GBF1: variants seen among roughly 807,000 people sequenced by gnomAD.
The protein encoded by GBF1 is golgi brefeldin A resistant guanine nucleotide exchange factor 1.
A neutral mutation model predicts 210.5 loss-of-function variants in GBF1; 114 were observed. The ratio of observed to expected loss-of-function variants is 0.54; its 90% confidence interval spans 0.47 to 0.63. The LOEUF (loss-of-function observed/expected upper bound fraction) is 0.63, where lower values mean the gene tolerates loss of function less well. Ranked by LOEUF, GBF1 falls within the 30% of genes least tolerant of loss-of-function variation. GBF1 has a pLI of 0.00. For missense variants in GBF1, 1,851 were observed against 2,357.7 expected, an observed-to-expected ratio of 0.79 and a Z score of 4.45; for synonymous variants, 850 against 889.2, an observed-to-expected ratio of 0.96 and a Z score of 0.78.
intron 38 of GBF1, 100 bp downstream of exon 38, chr10:102,380,786 TCACCCGA>T (rs2060797093): frequency 1.0e-6 from 1 of 995,738 alleles, no homozygotes; most frequent in South Asian, 1.6e-5. Context: ...GGTGGGTGGA[TCACCCGA>T]GGGCAGGAAT....
At position 102,292,313 on chromosome 10, in the gene GBF1, A is replaced by AT. The variant is rs572760117; in HGVS notation, c.163+32198dup. ...ACAGAAAAGAAAAAAAAATTTAATG[A>AT]TAAAAAAAATAAGAAAATTGGACCA... is the stretch of plus-strand genomic sequence containing the variant. On this transcript the variant is annotated intron_variant, in intron 3 of 39. Transcript: ENST00000369983. 9.7e-4 allele frequency among the ~76,000 whole-genome samples: 148 copies of AT among 152,224 alleles called. 1 individual carries two copies. The South Asian group carries it at 0.014, about 14-fold the overall frequency.
At chr10:102,231,636 C>T in the GBF1 span, 12 of 1,611,982 alleles carry the variant, frequency 7.4e-6, no homozygotes, top group African/African-American at 1.3e-4. Context: ...TCTCCTCGCG[C>T]GTGCTCATGT....
intron 7 of GBF1, 94 bp downstream of exon 7, chr10:102,352,612 C>T: frequency 1.2e-6 from 1 of 816,214 alleles, no homozygotes; most frequent in Non-Finnish European, 2.2e-6. Context: ...GCCAACCCCA[C>T]AGCCGCATCA....
chr10:102,316,083 A>G (rs1170070325), intron 3 of GBF1, among the ~76,000 whole-genome samples: 1 of 126,530 alleles, frequency 7.9e-6, no homozygotes. Context: ...CCTTCCCTCC[A>G]CTTTTTTTTT....
At chr10:102,364,217 C>CTTTTTT (rs1031275118) in intron 17 of GBF1, among the ~76,000 whole-genome samples, 14 of 66,944 alleles carry the variant, frequency 2.1e-4, no homozygotes, top group Non-Finnish European at 3.1e-4. Context: ...CTTTGGATTT[C>CTTTTTT]TTTTTTTTTT....
chr10:102,374,499 C>T (rs1033297271), intron 29 of GBF1, among the ~76,000 whole-genome samples: 2 of 151,878 alleles, frequency 1.3e-5, no homozygotes, highest in African/African-American at 4.8e-5. Flanking sequence ...ACAGGAGGAT[C>T]ACTTGCGCCC....
chr10:102,232,005 G>A, the GBF1 span: 1 of 1,610,346 alleles, frequency 6.2e-7, no homozygotes, highest in African/African-American at 1.3e-5. Flanking sequence ...GGGAGCTGGG[G>A]GTGCGGAGTG....
chr10:102,239,070 C>T, the GBF1 span, among the ~76,000 whole-genome samples: 1 of 152,168 alleles, frequency 6.6e-6, no homozygotes, highest in Non-Finnish European at 1.5e-5. Context: ...ATATCTAGGT[C>T]TTTTATTATG....
chr10:102,237,897 C>G, the GBF1 span, among the ~76,000 whole-genome samples: 1 of 151,934 alleles, frequency 6.6e-6, no homozygotes, highest in South Asian at 2.1e-4. Context: ...GCCCACCCCA[C>G]TATGAGAAGC....
intron 3 of GBF1, among the ~76,000 whole-genome samples, chr10:102,309,588 A>G (rs1208425172): frequency 6.6e-6 from 1 of 152,152 alleles, no homozygotes; most frequent in Non-Finnish European, 1.5e-5. Flanking sequence ...TAAGTGAGAT[A>G]TTGCTTGTTC....
intron 3 of GBF1, among the ~76,000 whole-genome samples, chr10:102,284,374 C>T (rs368180831): frequency 8.5e-5 from 13 of 152,218 alleles, no homozygotes; most frequent in African/African-American, 2.9e-4. Flanking sequence ...ACATTTTCAT[C>T]GCCCCAAAAG....
At chr10:102,361,181 C>A in intron 13 of GBF1, 61 bp downstream of exon 13, 1 of 862,130 alleles carries the variant, frequency 1.2e-6, no homozygotes, top group South Asian at 1.3e-5. Context: ...ATGGCATCTT[C>A]AGTGGGGCCA....
chr10:102,296,981 G>A (rs2076958168), intron 3 of GBF1, among the ~76,000 whole-genome samples: 1 of 151,604 alleles, frequency 6.6e-6, no homozygotes, highest in African/African-American at 2.4e-5. Context: ...GGAGGCAGAG[G>A]TTGCAGTGAG....
intron 3 of GBF1, among the ~76,000 whole-genome samples, chr10:102,342,875 TA>T (rs1392711538): frequency 2.0e-5 from 3 of 152,184 alleles, no homozygotes; most frequent in African/African-American, 2.4e-5. Context: ...TTCTTTGACC[TA>T]GAATGGAATC....
intron 30 of GBF1, 54 bp downstream of exon 30, chr10:102,375,638 G>A: frequency 8.7e-7 from 1 of 1,152,546 alleles, no homozygotes; most frequent in Non-Finnish European, 1.3e-6. Context: ...TACACCCCAG[G>A]AGTTGGGACA....
At chr10:102,343,903 G>A in intron 3 of GBF1, 148 bp from the exon 4 acceptor site, 1 of 588,878 alleles carries the variant, frequency 1.7e-6, no homozygotes, top group Non-Finnish European at 3.0e-6. Flanking sequence ...ATGATACAGT[G>A]TCTGGGATTT....
intron 2 of GBF1, among the ~76,000 whole-genome samples, 181 bp downstream of exon 2, chr10:102,259,215 C>G (rs1205958839): frequency 1.3e-5 from 2 of 151,976 alleles, no homozygotes; most frequent in Admixed American, 6.6e-5. Flanking sequence ...CTTTTTTTCT[C>G]TGGGACCCAA....
chr10:102,274,793 C>T (rs34309160), intron 3 of GBF1, among the ~76,000 whole-genome samples: 7,461 of 141,724 alleles, frequency 0.053, 271 homozygotes, highest in Middle Eastern at 0.096. Flanking sequence ...CTCACTGCAA[C>T]CTCTGCCTCC....
chr10:102,239,636 G>A, the GBF1 span, among the ~76,000 whole-genome samples: 2 of 152,222 alleles, frequency 1.3e-5, no homozygotes, highest in East Asian at 3.8e-4. Flanking sequence ...CACAGGTGAA[G>A]GGTAAGAAAG....
Sources: allele counts gnomAD v4.1 joint callset (sites outside exome capture counted in the v4.1 genomes callset), GRCh38; gene constraint gnomAD v4.1.1; transcripts MANE v1.5; gene names NCBI Gene and HGNC (gene_info 2026-07-23, HGNC 2026-07-21).